The following RANBP2 variants were observed in gnomAD, a reference collection of about 807,000 sequenced individuals.
RANBP2 encodes RAN binding protein 2, also known as E3 SUMO-protein ligase RanBP2.
RANBP2 carries 57 observed loss-of-function variants against 303.6 expected under a neutral mutation model. The ratio of observed to expected loss-of-function variants is 0.19; its 90% CI spans 0.15 to 0.23. The LOEUF (loss-of-function observed/expected upper bound fraction) is 0.23. RANBP2 is among the 10% of genes least tolerant of loss of function. The pLI is 1.00. For missense variants in RANBP2, 3,138 were observed against 3,780.8 expected (o/e 0.83, Z 4.46); for synonymous variants, 1,167 against 1,301.5 (o/e 0.90, Z 2.23).
chr2:109,006,381 G>A, the RANBP2 span, among the ~76,000 whole-genome samples: 7 of 151,866 alleles, frequency 4.6e-5, no homozygotes, highest in Non-Finnish European at 8.8e-5. Context: ...TTTTATTAGA[G>A]ACGGGGGTTT....
At chr2:108,776,987 T>A (rs1677933813) in intron 24 of RANBP2, 143 bp from the exon 25 acceptor site, 2 of 656,646 alleles carry the variant, frequency 3.0e-6, no homozygotes, top group South Asian at 1.8e-5. Flanking sequence ...CAGAATTGGA[T>A]GTATTTTGTA....
At chr2:109,428,680 A>G in the RANBP2 span, among the ~76,000 whole-genome samples, 74,022 of 152,094 alleles carry the variant, frequency 0.49, 18,185 homozygotes, top group Admixed American at 0.52. Flanking sequence ...CTAAAATCCC[A>G]TGATTGCCTT....
At chr2:109,732,855 T>G in the RANBP2 span, 22 of 1,302,346 alleles carry the variant, frequency 1.7e-5, no homozygotes, top group Non-Finnish European at 2.2e-5. Flanking sequence ...TTTGTTGAAT[T>G]TGAAGATCCC....
chr2:109,676,213 G>A, the RANBP2 span, among the ~76,000 whole-genome samples: 2 of 152,180 alleles, frequency 1.3e-5, no homozygotes, highest in Non-Finnish European at 2.9e-5. Context: ...GCTTTTTGCT[G>A]ACTACCACGT....
chr2:109,642,514 C>T, the RANBP2 span, among the ~76,000 whole-genome samples: 1 of 152,094 alleles, frequency 6.6e-6, no homozygotes, highest in Non-Finnish European at 1.5e-5. Flanking sequence ...CTTTGGGAGG[C>T]CGAGGCGGGC....
the RANBP2 span, among the ~76,000 whole-genome samples, chr2:108,846,256 A>G: frequency 6.6e-6 from 1 of 152,234 alleles, no homozygotes; most frequent in Non-Finnish European, 1.5e-5. Flanking sequence ...CATGTTTTAG[A>G]AAAATGTACA....
chr2:109,455,704 C>G, the RANBP2 span, among the ~76,000 whole-genome samples: 1 of 152,136 alleles, frequency 6.6e-6, no homozygotes, highest in African/African-American at 2.4e-5. Flanking sequence ...GTGGAGGCAC[C>G]CTGCAATAGG....
At chr2:108,805,016 C>A in the RANBP2 span, 1 of 1,469,130 alleles carries the variant, frequency 6.8e-7, no homozygotes, top group Non-Finnish European at 9.1e-7. Context: ...CAGGTAAGAC[C>A]TGTTTTAATA....
the RANBP2 span, among the ~76,000 whole-genome samples, chr2:109,708,487 A>G: frequency 3.3e-5 from 5 of 151,992 alleles, no homozygotes; most frequent in South Asian, 8.3e-4. Context: ...GCGAAACCCC[A>G]TCTCTACAAA....
the RANBP2 span, among the ~76,000 whole-genome samples, chr2:108,988,451 C>T: frequency 6.6e-6 from 1 of 152,150 alleles, no homozygotes. Context: ...CCTCTCCCCG[C>T]TCCCCCGCCA....
In RANBP2 at chr2:108,739,985, C is replaced by A. The variant is rs574310925; in HGVS notation, c.783-504C>A. Among the ~76,000 whole-genome samples the A allele has an allele frequency of 4.7e-5, 7 of 147,452 alleles. No homozygotes were observed. In the South Asian group the frequency reaches 1.5e-3, roughly 31 times the overall value. ...CCCAGGCGATAGTGAGAGACTCCGTCTCAAAAAAAAAAAAGGCAGACTATT... is the reference window on the plus strand; with the variant it reads ...CCCAGGCGATAGTGAGAGACTCCGTATCAAAAAAAAAAAAGGCAGACTATT... On this transcript the variant is annotated intron_variant, in intron 6 of 28. Transcript: ENST00000283195.
downstream of RANBP2, chr2:108,786,717 GC>G: frequency 1.9e-6 from 2 of 1,077,400 alleles, no homozygotes; most frequent in Non-Finnish European, 2.8e-6. Context: ...CGCCGTGCGT[GC>G]CTCGGGGGGG....
chr2:109,335,813 G>A, the RANBP2 span, among the ~76,000 whole-genome samples: 1 of 152,162 alleles, frequency 6.6e-6, no homozygotes, highest in Admixed American at 6.5e-5. Flanking sequence ...ACCTTACGCG[G>A]CTGTAGAGAG....
the RANBP2 span, among the ~76,000 whole-genome samples, chr2:108,932,096 C>T: frequency 2.8e-4 from 43 of 152,300 alleles, 1 homozygote; most frequent in South Asian, 5.2e-3. Context: ...ATACCACACA[C>T]AAAAACACCG....
At chr2:109,458,202 C>A in the RANBP2 span, among the ~76,000 whole-genome samples, 1 of 152,170 alleles carries the variant, frequency 6.6e-6, no homozygotes, top group Non-Finnish European at 1.5e-5. Flanking sequence ...TCCTTCCAGG[C>A]CGCATCTTAC....
At chr2:108,788,928 A>G (rs79377757), downstream of RANBP2, 11,226 of 1,614,112 alleles carry the variant, frequency 7.0e-3, 92 homozygotes, top group East Asian at 0.033. Context: ...ATTGTAGAAC[A>G]CCATTGGGCA....
intron 19 of RANBP2, among the ~76,000 whole-genome samples, 155 bp downstream of exon 19, chr2:108,762,350 C>T (rs1366318030): frequency 5.0e-5 from 5 of 100,952 alleles, no homozygotes; most frequent in African/African-American, 1.6e-4. Context: ...AGAAATTATC[C>T]TTCTTAGTCA....
At chr2:109,686,810 A>T in the RANBP2 span, among the ~76,000 whole-genome samples, 1 of 152,008 alleles carries the variant, frequency 6.6e-6, no homozygotes, top group Admixed American at 6.6e-5. Flanking sequence ...ATGGGGTTTC[A>T]CCATGTTGCC....
At chr2:108,849,127 G>T in the RANBP2 span, among the ~76,000 whole-genome samples, 1 of 152,012 alleles carries the variant, frequency 6.6e-6, no homozygotes. Context: ...GCAGACAAAC[G>T]ACTAGTGAAC....
Sources: gnomAD v4.1 joint callset for allele counts (sites outside exome capture counted in the v4.1 genomes callset) on GRCh38, gnomAD v4.1.1 for gene constraint, MANE v1.5 for transcripts, NCBI Gene and HGNC (gene_info 2026-07-23, HGNC 2026-07-21) for gene names.